HPSE2: variants seen among roughly 807,000 people sequenced by gnomAD.
HPSE2 encodes inactive heparanase-2.
Under a neutral mutation model 60.5 loss-of-function variants are expected in HPSE2, and 38 were observed. That is an observed-to-expected ratio of 0.63 (90% CI 0.48 to 0.82). The LOEUF (loss-of-function observed/expected upper bound fraction) is 0.82. HPSE2 is among the 40% of genes least tolerant of loss of function. The pLI is 0.00. For synonymous variants in HPSE2, 295 were observed against 293.2 expected (o/e 1.01, Z -0.06); for missense variants, 713 against 740.4 (o/e 0.96, Z 0.43).
intron 6 of HPSE2, among the ~76,000 whole-genome samples, chr10:98,688,569 G>A (rs1250853503): frequency 2.0e-5 from 3 of 147,318 alleles, no homozygotes; most frequent in African/African-American, 5.0e-5. Flanking sequence ...TCCGCCTCTC[G>A]GGTTCAAGTG....
At chr10:99,236,267 C>T (rs1849851541), upstream of HPSE2, among the ~76,000 whole-genome samples, 3 of 152,010 alleles carry the variant, frequency 2.0e-5, no homozygotes, top group Admixed American at 1.3e-4. Context: ...GAATCCAAAC[C>T]ATGCCGTTGT....
chr10:98,585,187 A>G (rs1237854005), intron 9 of HPSE2, among the ~76,000 whole-genome samples: 1 of 152,072 alleles, frequency 6.6e-6, no homozygotes, highest in Non-Finnish European at 1.5e-5. Flanking sequence ...CTTGGGTTAG[A>G]TGCTACATGA....
chr10:99,070,736 T>G (rs1227028481), intron 3 of HPSE2, among the ~76,000 whole-genome samples: 1 of 152,218 alleles, frequency 6.6e-6, no homozygotes, highest in African/African-American at 2.4e-5. Context: ...TTAGATAATT[T>G]GTACATGTGG....
intron 3 of HPSE2, among the ~76,000 whole-genome samples, chr10:98,805,507 C>A (rs1367913538): frequency 6.6e-6 from 1 of 151,788 alleles, no homozygotes; most frequent in African/African-American, 2.4e-5. Context: ...TAGGGCATAT[C>A]TTGTGTACCT....
At chr10:98,606,166 C>T (rs938195919) in intron 9 of HPSE2, among the ~76,000 whole-genome samples, 3 of 152,150 alleles carry the variant, frequency 2.0e-5, no homozygotes, top group African/African-American at 7.2e-5. Context: ...CTGGCACATA[C>T]TAGGTACTCA....
the HPSE2 span, among the ~76,000 whole-genome samples, chr10:99,256,075 C>T: frequency 6.6e-6 from 1 of 151,918 alleles, no homozygotes; most frequent in African/African-American, 2.4e-5. Flanking sequence ...CTCATGATAA[C>T]TCAGCATCGT....
At chr10:99,065,700 A>C (rs1181624399) in intron 3 of HPSE2, among the ~76,000 whole-genome samples, 1 of 152,346 alleles carries the variant, frequency 6.6e-6, no homozygotes, top group South Asian at 2.1e-4. Flanking sequence ...GAAATATCTA[A>C]GCCAAGGCTT....
At chr10:98,566,002 C>T (rs1944332434) in intron 9 of HPSE2, among the ~76,000 whole-genome samples, 1 of 152,178 alleles carries the variant, frequency 6.6e-6, no homozygotes, top group Non-Finnish European at 1.5e-5. Flanking sequence ...ACATGCTCCC[C>T]TCCAGGCCTC....
chr10:99,308,959 C>G, the HPSE2 span, among the ~76,000 whole-genome samples: 8 of 152,068 alleles, frequency 5.3e-5, no homozygotes, highest in Admixed American at 2.0e-4. Context: ...CATTGAGAAA[C>G]AGGCAGATTT....
At chr10:98,779,729 A>T (rs1950422737) in intron 3 of HPSE2, among the ~76,000 whole-genome samples, 1 of 152,200 alleles carries the variant, frequency 6.6e-6, no homozygotes, top group Admixed American at 6.6e-5. Flanking sequence ...TTGAATATCG[A>T]GTCATAGCAT....
chr10:99,284,662 G>A, the HPSE2 span, among the ~76,000 whole-genome samples: 1 of 152,090 alleles, frequency 6.6e-6, no homozygotes, highest in Non-Finnish European at 1.5e-5. Flanking sequence ...TAGGTAAATG[G>A]CATTCATTAA....
intron 9 of HPSE2, among the ~76,000 whole-genome samples, chr10:98,559,611 G>A (rs1395774425): frequency 2.6e-5 from 4 of 152,106 alleles, no homozygotes; most frequent in Admixed American, 6.6e-5. Flanking sequence ...CTCACCGACC[G>A]ACAAACATTT....
intron 3 of HPSE2, among the ~76,000 whole-genome samples, chr10:98,774,063 CA>C (rs1252225821): frequency 1.3e-5 from 2 of 151,296 alleles, no homozygotes; most frequent in Non-Finnish European, 2.9e-5. Flanking sequence ...CATCCTGTAG[CA>C]AAAAAAGGAT....
At chr10:98,977,996 A>C (rs1956124456) in intron 3 of HPSE2, among the ~76,000 whole-genome samples, 1 of 151,890 alleles carries the variant, frequency 6.6e-6, no homozygotes, top group African/African-American at 2.4e-5. Context: ...ATAATGTATT[A>C]TTATTTCACC....
chr10:98,939,191 A>C lies in HPSE2; in HGVS notation c.611-195135T>G, dbSNP rs545815999. ...AACTGCATCAACTAACGAGCAAAAT[A>C]ACCAGCTAACATCATAATGACAGGA... On this transcript the variant is annotated intron_variant, in intron 3 of 11. Transcript: ENST00000370552. Among the ~76,000 whole-genome samples the C allele has an allele frequency of 4.2e-4, 60 of 143,698 alleles. 6 individuals carry two copies. Among genetic ancestry groups the C allele is most frequent in the Non-Finnish European group, 7.4e-4 (50 of 67,166 alleles). 94.3% of individuals were successfully genotyped at this position (143,698 alleles called of 152,430 possible). A position where few individuals can be genotyped will look rare whatever the true frequency, so the allele number is the denominator to read the frequency against.
intron 3 of HPSE2, among the ~76,000 whole-genome samples, chr10:98,972,068 T>C (rs1487663303): frequency 1.3e-5 from 2 of 152,142 alleles, no homozygotes; most frequent in Non-Finnish European, 2.9e-5. Flanking sequence ...ACGTATGGCA[T>C]TATCAAACTT....
At chr10:98,656,177 C>T (rs557051440) in intron 6 of HPSE2, among the ~76,000 whole-genome samples, 1 of 152,038 alleles carries the variant, frequency 6.6e-6, no homozygotes, top group South Asian at 2.1e-4. Context: ...ACTGCTACCT[C>T]CCAGGTTTAA....
At chr10:98,740,949 A>G (rs1949481169) in intron 4 of HPSE2, among the ~76,000 whole-genome samples, 1 of 152,194 alleles carries the variant, frequency 6.6e-6, no homozygotes, top group Admixed American at 6.5e-5. Flanking sequence ...ATATCTTAAG[A>G]GAGATGATTC....
At chr10:98,965,511 T>C (rs1338922410) in intron 3 of HPSE2, among the ~76,000 whole-genome samples, 1 of 152,136 alleles carries the variant, frequency 6.6e-6, no homozygotes, top group African/African-American at 2.4e-5. Flanking sequence ...ATGAGGTCTC[T>C]TCTACCTCTA....
Sources: gnomAD v4.1 joint callset for allele counts (sites outside exome capture counted in the v4.1 genomes callset) on GRCh38, gnomAD v4.1.1 for gene constraint, MANE v1.5 for transcripts, NCBI Gene and HGNC (gene_info 2026-07-23, HGNC 2026-07-21) for gene names.